Variants in ZNF680 observed in about 807,000 individuals in gnomAD.
The protein encoded by ZNF680 is zinc finger protein 680.
Under a neutral mutation model 12.1 loss-of-function variants are expected in ZNF680, and 6 were observed. The ratio of observed to expected loss-of-function variants is 0.49; its 90% CI spans 0.27 to 0.98. The LOEUF (loss-of-function observed/expected upper bound fraction) is 0.98, where lower values mean the gene tolerates loss of function less well. Ranked by LOEUF, ZNF680 falls within the 50% of genes least tolerant of loss-of-function variation. The probability of loss-of-function intolerance (pLI) is 0.12; values close to 1 mark genes in which losing one functional copy is unlikely to be tolerated. For synonymous variants in ZNF680, 170 were observed against 199.3 expected (o/e 0.85, Z 1.24); for missense variants, 561 against 616.3 (o/e 0.91, Z 0.95).
the ZNF680 span, among the ~76,000 whole-genome samples, chr7:64,508,366 A>G: frequency 2.0e-5 from 3 of 152,056 alleles, no homozygotes; most frequent in African/African-American, 7.3e-5. Context: ...CAAGGATAGT[A>G]TTAAAAACAT....
chr7:64,541,929 C>G (rs1437352583), intron 3 of ZNF680, among the ~76,000 whole-genome samples: 1 of 152,110 alleles, frequency 6.6e-6, no homozygotes, highest in Non-Finnish European at 1.5e-5. Context: ...TATAAAGGAA[C>G]CCACACAGTG....
chr7:64,507,681 A>G, the ZNF680 span, among the ~76,000 whole-genome samples: 1 of 152,048 alleles, frequency 6.6e-6, no homozygotes, highest in Non-Finnish European at 1.5e-5. Flanking sequence ...ATATTAAAAT[A>G]TCACATTGTA....
At position 64,519,918 on chromosome 7, in the gene ZNF680, A is replaced by T. The variant is rs1791442226; in HGVS notation, c.*1243T>A. Reference sequence around the variant, plus strand: ...AATGTTTAATTATAAAATTAAGCTTATACATAATCTAAAAATTTTCAAATG... The same window carrying T: ...AATGTTTAATTATAAAATTAAGCTTTTACATAATCTAAAAATTTTCAAATG... On this transcript the variant is annotated 3_prime_UTR_variant, in exon 4 of 4. Transcript: ENST00000309683. 4.6e-5 allele frequency: 7 copies of T among 151,984 alleles called. No individual in the cohort carries two copies. In the South Asian group the frequency reaches 1.4e-3, roughly 31 times the overall value. 9.4% of individuals were successfully genotyped at this position (151,984 alleles called of 1,614,324 possible).
At chr7:64,545,493 G>A (rs536007928) in intron 1 of ZNF680, among the ~76,000 whole-genome samples, 1 of 152,118 alleles carries the variant, frequency 6.6e-6, no homozygotes, top group Non-Finnish European at 1.5e-5. Flanking sequence ...CTTTAGCCAA[G>A]TGAATCATTA....
chr7:64,524,241 G>T (rs974589792), intron 3 of ZNF680, among the ~76,000 whole-genome samples: 2 of 150,244 alleles, frequency 1.3e-5, no homozygotes, highest in African/African-American at 4.9e-5. Context: ...TCTGCCTTCC[G>T]GGTTCAAGCG....
At chr7:64,527,643 C>T (rs896723521) in intron 3 of ZNF680, among the ~76,000 whole-genome samples, 11 of 151,554 alleles carry the variant, frequency 7.3e-5, no homozygotes, top group Admixed American at 2.6e-4. Flanking sequence ...TGTGGTGAGC[C>T]GAGATGGCGC....
intron 3 of ZNF680, among the ~76,000 whole-genome samples, chr7:64,542,209 T>A (rs1263430407): frequency 5.3e-5 from 8 of 151,320 alleles, no homozygotes; most frequent in Non-Finnish European, 7.4e-5. Flanking sequence ...CCAGAGGACA[T>A]CCCATCACCC....
Position 64,521,622 on chromosome 7 carries a change from A to G in ZNF680, c.1132T>C (p.Tyr378His). Residue 378 changes from tyrosine (Y) to histidine (H), a missense_variant, in exon 4 of 4, where the codon TAC (tyrosine) becomes CAC (histidine). By Grantham distance (83) the Tyr-to-His change is moderately conservative (BLOSUM62 2). Coordinates refer to ENST00000309683, the MANE Select transcript of ZNF680 (RefSeq NM_178558.5). Reference protein sequence around the residue: ...HKKIHTGEKSYKCEECGKAFI... With the variant: ...HKKIHTGEKSHKCEECGKAFI... ...GCTTTGCCGCATTCTTCACATTTGTAGGATTTCTCTCCAGTATGAATTTTC... is the reference window on the plus strand; with the variant it reads ...GCTTTGCCGCATTCTTCACATTTGTGGGATTTCTCTCCAGTATGAATTTTC... 2 of 1,612,454 alleles carry G rather than the reference A, an allele frequency of 1.2e-6. No homozygotes were observed. Among genetic ancestry groups the G allele is most frequent in the Non-Finnish European group, 8.5e-7 (1 of 1,179,698 alleles).
intron 3 of ZNF680, among the ~76,000 whole-genome samples, chr7:64,530,884 A>C (rs1785835452): frequency 6.7e-6 from 1 of 149,852 alleles, no homozygotes; most frequent in Non-Finnish European, 1.5e-5. Context: ...AAATAATAAT[A>C]ATAATAATAG....
the ZNF680 span, among the ~76,000 whole-genome samples, chr7:64,505,582 T>A: frequency 1.3e-5 from 2 of 152,166 alleles, no homozygotes; most frequent in Non-Finnish European, 2.9e-5. Context: ...GATCCCTTGT[T>A]GGTAGGCTAT....
At chr7:64,505,398 G>A in the ZNF680 span, among the ~76,000 whole-genome samples, 1 of 152,152 alleles carries the variant, frequency 6.6e-6, no homozygotes, top group Non-Finnish European at 1.5e-5. Context: ...AATTTATTAT[G>A]TCTTCAAGGT....
chr7:64,562,877 T>G (rs199869468), intron 1 of ZNF680, 48 bp downstream of exon 1: 1 of 1,611,646 alleles, frequency 6.2e-7, no homozygotes, highest in African/African-American at 1.3e-5. Context: ...TCCGACCGGT[T>G]CCAACCAGCC....
intron 1 of ZNF680, among the ~76,000 whole-genome samples, chr7:64,556,010 T>C (rs550332260): frequency 1.7e-4 from 26 of 150,774 alleles, no homozygotes; most frequent in African/African-American, 6.3e-4. Context: ...TCAAAAAAAA[T>C]CCCATTCACA....
chr7:64,503,378 C>CTTTTT, the ZNF680 span, among the ~76,000 whole-genome samples: 27 of 89,896 alleles, frequency 3.0e-4, no homozygotes, highest in Non-Finnish European at 3.7e-4. Context: ...AACTGGAAGG[C>CTTTTT]TTTTTTTTTT....
At chr7:64,544,087 G>A in intron 2 of ZNF680, 1 of 657,036 alleles carries the variant, frequency 1.5e-6, no homozygotes, top group Non-Finnish European at 2.4e-6. Flanking sequence ...CACTAATCTA[G>A]AGTGAAGGAC....
chr7:64,517,989 G>A (rs1195386188), downstream of ZNF680, among the ~76,000 whole-genome samples: 2 of 152,008 alleles, frequency 1.3e-5, no homozygotes, highest in Non-Finnish European at 2.9e-5. Flanking sequence ...ACTGAACAGG[G>A]TAAAGTTGAA....
chr7:64,551,977 G>C (rs898982909), intron 1 of ZNF680: 14 of 152,220 alleles, frequency 9.2e-5, no homozygotes, highest in African/African-American at 3.4e-4. Flanking sequence ...AATTTTATAA[G>C]ATTCCTCCAT....
chr7:64,525,010 A>C (rs1196393310), intron 3 of ZNF680: 1 of 152,132 alleles, frequency 6.6e-6, no homozygotes, highest in African/African-American at 2.4e-5. Flanking sequence ...TGTTGTTCAA[A>C]TTTCTCATGC....
intron 3 of ZNF680, among the ~76,000 whole-genome samples, chr7:64,526,911 T>C (rs1186114094): frequency 4.6e-5 from 7 of 152,210 alleles, no homozygotes; most frequent in Non-Finnish European, 8.8e-5. Context: ...GTGAAACAAA[T>C]TTTAAAATAA....
Sources: gnomAD v4.1 joint callset for allele counts (sites outside exome capture counted in the v4.1 genomes callset) on GRCh38, gnomAD v4.1.1 for gene constraint, MANE v1.5 for transcripts, NCBI Gene and HGNC (gene_info 2026-07-23, HGNC 2026-07-21) for gene names.